The following DST variants were observed in gnomAD, a reference collection of about 807,000 sequenced individuals.
DST encodes bullous pemphigoid antigen.
In DST, 253 loss-of-function variants were observed where a neutral mutation model predicts 875.2. That is an observed-to-expected ratio of 0.29 (90% CI 0.26 to 0.32). The LOEUF is 0.32. Among genes scored for constraint, DST ranks in the 10% least tolerant of loss-of-function variants. The pLI is 1.00. For synonymous variants in DST, 3,124 were observed against 3,197.1 expected (o/e 0.98, Z 0.77); for missense variants, 8,287 against 9,111.6 (o/e 0.91, Z 3.68).
At chr6:56,481,926 A>T in intron 90 of DST, 124 bp downstream of exon 90, 2 of 1,049,842 alleles carry the variant, frequency 1.9e-6, no homozygotes, top group Non-Finnish European at 2.8e-6. Flanking sequence ...TCTCAAATGT[A>T]TCAGGTGTTT....
At chr6:56,571,378 A>G (rs1288849083) in intron 53 of DST, among the ~76,000 whole-genome samples, 2 of 152,226 alleles carry the variant, frequency 1.3e-5, no homozygotes, top group Non-Finnish European at 2.9e-5. Flanking sequence ...GACAGGATGG[A>G]ACATATAGCT....
chr6:56,882,664 A>T (rs1325046127), intron 3 of DST, among the ~76,000 whole-genome samples: 2 of 152,246 alleles, frequency 1.3e-5, no homozygotes, highest in East Asian at 3.8e-4. Flanking sequence ...TTAAAGATTA[A>T]CTCAAATCAA....
At chr6:56,574,540 T>G (rs1585267862) in intron 50 of DST, among the ~76,000 whole-genome samples, 1 of 152,044 alleles carries the variant, frequency 6.6e-6, no homozygotes, top group African/African-American at 2.4e-5. Flanking sequence ...ATACACTAAT[T>G]GAATTTATTT....
chr6:56,885,308 A>G (rs551782938), intron 3 of DST, among the ~76,000 whole-genome samples: 1 of 152,364 alleles, frequency 6.6e-6, no homozygotes, highest in East Asian at 1.9e-4. Flanking sequence ...AACTCTGCGT[A>G]CAATTCATGT....
intron 74 of DST, among the ~76,000 whole-genome samples, chr6:56,509,372 T>G (rs977974455): frequency 5.3e-5 from 8 of 152,208 alleles, no homozygotes; most frequent in African/African-American, 1.9e-4. Context: ...ACCTACTGAT[T>G]TAAAAGGCCT....
At chr6:56,626,912 C>T (rs765144563) in intron 34 of DST, among the ~76,000 whole-genome samples, 10 of 151,920 alleles carry the variant, frequency 6.6e-5, no homozygotes, top group Non-Finnish European at 1.5e-4. Flanking sequence ...CCATGAAATA[C>T]CCTAACAATG....
chr6:56,851,218 G>A (rs887912370), intron 4 of DST, 179 bp downstream of exon 4: 3 of 625,374 alleles, frequency 4.8e-6, no homozygotes, highest in Non-Finnish European at 8.3e-6. Context: ...CCAGCAGGCA[G>A]GGCAAATGGC....
chr6:56,463,843 G>A lies in DST; in HGVS notation c.22760-79C>T, dbSNP rs1340806623. 3.6e-6 allele frequency: 5 copies of A among 1,387,490 alleles called. 1 individual carries two copies. Among genetic ancestry groups the A allele is most frequent in the South Asian group, 3.5e-5 (3 of 86,046 alleles). The allele number at this position is 1,387,490 out of a possible 1,614,324, so 85.9% of individuals were successfully genotyped here. On this transcript the variant is annotated intron_variant, in intron 100 of 103. Coordinates refer to ENST00000680361, the MANE Select transcript of DST (RefSeq NM_001374736.1). ...CGCTCAATCGTTAATGGGAAGAACG[G>A]CCACCTGGCACCAGAGATCACGTTG...
chr6:56,739,084 T>G (rs2099537008), intron 4 of DST, among the ~76,000 whole-genome samples: 1 of 149,114 alleles, frequency 6.7e-6, no homozygotes, highest in Non-Finnish European at 1.5e-5. Flanking sequence ...CATCTATACC[T>G]CATTCATCTT....
At chr6:56,570,268 T>C (rs1220905572) in intron 53 of DST, among the ~76,000 whole-genome samples, 1 of 152,180 alleles carries the variant, frequency 6.6e-6, no homozygotes, top group East Asian at 1.9e-4. Context: ...GATGATTAAA[T>C]GCATTACATT....
intron 3 of DST, among the ~76,000 whole-genome samples, chr6:56,870,764 C>T (rs1181322565): frequency 6.6e-6 from 1 of 151,930 alleles, no homozygotes; most frequent in Non-Finnish European, 1.5e-5. Context: ...ACAAAGCATA[C>T]AATGAAACAA....
At chr6:56,637,843 G>A (rs1381845099) in intron 22 of DST, among the ~76,000 whole-genome samples, 1 of 151,926 alleles carries the variant, frequency 6.6e-6, no homozygotes, top group African/African-American at 2.4e-5. Flanking sequence ...CATTCCTGCT[G>A]AGCTATACTT....
Position 56,460,166 on chromosome 6 carries a change from G to A in DST, c.23159C>T (p.Thr7720Ile). 1 of 1,613,838 alleles carries A rather than the reference G, an allele frequency of 6.2e-7. No individual in the cohort carries two copies. Among genetic ancestry groups the A allele is most frequent in the Non-Finnish European group, 8.5e-7 (1 of 1,179,772 alleles). The change falls in exon 103 of 104, where the codon ACA (threonine) becomes ATA (isoleucine). Residue 7720 changes from threonine (T) to isoleucine (I), a missense_variant. Thr to Ile is a moderately conservative substitution (Grantham distance 89). Coordinates refer to ENST00000680361, the MANE Select transcript of DST (RefSeq NM_001374736.1). ...FHSGEDSGLI[T>I]TAAARVRTQF... ...TGTTCGGACTCTGGCAGCTGCAGTT[G>A]TTATCAAGCCACTGTCCTCCCCAGA...
At chr6:56,900,381 G>A in intron 3 of DST, 40 bp downstream of exon 3, 12 of 1,311,780 alleles carry the variant, frequency 9.1e-6, no homozygotes, top group Non-Finnish European at 1.2e-5. Flanking sequence ...TGATTTGACA[G>A]TGAATTTAAT....
chr6:56,512,998 T>A (rs1387336415), intron 72 of DST, among the ~76,000 whole-genome samples: 1 of 152,192 alleles, frequency 6.6e-6, no homozygotes, highest in Admixed American at 6.5e-5. Context: ...TGATGGTATA[T>A]CAGCTATAGA....
intron 2 of DST, among the ~76,000 whole-genome samples, chr6:56,928,782 C>T (rs565713775): frequency 6.6e-6 from 1 of 151,884 alleles, no homozygotes; most frequent in Non-Finnish European, 1.5e-5. Context: ...CTTACAGAAA[C>T]TACAAACGGA....
At chr6:56,888,346 C>CA (rs1342679088) in intron 3 of DST, among the ~76,000 whole-genome samples, 2 of 151,910 alleles carry the variant, frequency 1.3e-5, no homozygotes, top group South Asian at 2.1e-4. Flanking sequence ...GGGTGTCATT[C>CA]AAAAAAATTC....
chr6:56,881,751 T>C (rs1416261962), intron 3 of DST, among the ~76,000 whole-genome samples: 3 of 151,914 alleles, frequency 2.0e-5, no homozygotes, highest in Admixed American at 2.0e-4. Flanking sequence ...AATCTGAAAA[T>C]TTAATCCAAG....
chr6:56,771,501 A>AAATGTATTTAGAAAT (rs1321722701), intron 4 of DST, among the ~76,000 whole-genome samples: 1 of 152,178 alleles, frequency 6.6e-6, no homozygotes, highest in East Asian at 1.9e-4. Context: ...ATTTTTTTCT[A>AAATGTATTTAGAAAT]ACATTTCTAA....
Sources: allele counts gnomAD v4.1 joint callset (sites outside exome capture counted in the v4.1 genomes callset), GRCh38; gene constraint gnomAD v4.1.1; transcripts MANE v1.5; gene names NCBI Gene and HGNC (gene_info 2026-07-23, HGNC 2026-07-21).